SMC3: variants seen among roughly 807,000 people sequenced by gnomAD.
SMC3 encodes structural maintenance of chromosomes protein 3.
In SMC3, 20 loss-of-function variants were observed where a neutral mutation model predicts 171.8. The ratio of observed to expected loss-of-function variants is 0.12; its 90% CI spans 0.08 to 0.17. The LOEUF (loss-of-function observed/expected upper bound fraction) is 0.17. SMC3 is among the 10% of genes least tolerant of loss of function. SMC3 has a pLI of 1.00. For missense variants in SMC3, 543 were observed against 1,420.4 expected (o/e 0.38, Z 9.93); for synonymous variants, 464 against 451.1 (o/e 1.03, Z -0.36).
rs948969417 is a variant in SMC3 at position 110,605,059 on chromosome 10, T to C, written c.*757T>C. Among the ~76,000 whole-genome samples the C allele has an allele frequency of 6.6e-6, 1 of 152,186 alleles. No individual in the cohort carries two copies. The highest frequency in any genetic ancestry group is 6.5e-5 in the Admixed American group (1 of 15,284). ...TTGTAGAATGTCCCTCAAATTAGGT[T>C]TGTCTAATATTTTTCTCATGGTTAG... On this transcript the variant is annotated 3_prime_UTR_variant, in exon 29 of 29. Coordinates refer to ENST00000361804, the MANE Select transcript of SMC3 (RefSeq NM_005445.4).
intron 13 of SMC3, among the ~76,000 whole-genome samples, chr10:110,585,774 G>C: frequency 6.6e-6 from 1 of 151,384 alleles, no homozygotes; most frequent in South Asian, 2.1e-4. Context: ...CTTATTAATT[G>C]TATATTATAT....
At chr10:110,571,627 A>C (rs1381839621) in intron 2 of SMC3, among the ~76,000 whole-genome samples, 1 of 152,184 alleles carries the variant, frequency 6.6e-6, no homozygotes, top group Non-Finnish European at 1.5e-5. Flanking sequence ...AGGTAGCTTG[A>C]ATCTACCAGA....
chr10:110,591,554 C>T (rs1252129831), intron 17 of SMC3, among the ~76,000 whole-genome samples: 5 of 152,100 alleles, frequency 3.3e-5, no homozygotes, highest in South Asian at 2.1e-4. Flanking sequence ...AGTGTCTTGA[C>T]GTACTTAGGA....
At chr10:110,603,833 T>C (rs1590572494) in intron 28 of SMC3, among the ~76,000 whole-genome samples, 1 of 152,164 alleles carries the variant, frequency 6.6e-6, no homozygotes, top group South Asian at 2.1e-4. Flanking sequence ...CAATGGCTCA[T>C]GCCTGTAATC....
chr10:110,605,126 C>T lies in SMC3; in HGVS notation c.*824C>T, dbSNP rs1053465177. 2.6e-5 allele frequency among the ~76,000 whole-genome samples: 4 copies of T among 152,190 alleles called. No individual in the cohort carries two copies. The highest frequency in any genetic ancestry group is 5.9e-5 in the Non-Finnish European group (4 of 68,000). ...CAGAAGCGAAGTATTCTCATTACCT[C>T]ATATAATAGTACATATTATTAACAT... is the stretch of plus-strand genomic sequence containing the variant. On this transcript the variant is annotated 3_prime_UTR_variant, in exon 29 of 29. Transcript: ENST00000361804.
chr10:110,600,549 G>A lies in SMC3; in HGVS notation c.2535+3G>A. On this transcript the variant is annotated splice_donor_region_variant and intron_variant, in intron 22 of 28. Transcript: ENST00000361804. The stretch of plus-strand genomic sequence containing the variant: ...AACGCTTGGACCAAGTAGAACAGGT[G>A]TGTATGTGTTTTTTTTTTTTTTTTT... 1.4e-6 allele frequency: 2 copies of A among 1,414,408 alleles called. No individual in the cohort carries two copies. Among genetic ancestry groups the A allele is most frequent in the Non-Finnish European group, 1.0e-6 (1 of 1,000,046 alleles). The allele number at this position is 1,414,408 out of a possible 1,614,324, so 87.6% of individuals were successfully genotyped here. A position where few individuals can be genotyped will look rare whatever the true frequency, so the allele number is the denominator to read the frequency against.
intron 12 of SMC3, 45 bp from the exon 13 acceptor site, chr10:110,584,138 G>T: frequency 1.3e-6 from 2 of 1,573,354 alleles, no homozygotes; most frequent in South Asian, 2.2e-5. Context: ...AATTAAACTT[G>T]GTTATTATTC....
chr10:110,581,848 C>A, intron 8 of SMC3, 75 bp from the exon 9 acceptor site: 2 of 1,193,210 alleles, frequency 1.7e-6, no homozygotes, highest in Non-Finnish European at 2.5e-6. Context: ...TAATTTAATT[C>A]AAGGTATATT....
chr10:110,598,358 C>A, intron 20 of SMC3, 68 bp downstream of exon 20: 1 of 1,434,884 alleles, frequency 7.0e-7, no homozygotes, highest in African/African-American at 1.4e-5. Flanking sequence ...ATGAATCATA[C>A]ATTATATGGG....
chr10:110,570,101 T>A (rs1860847284), intron 2 of SMC3, among the ~76,000 whole-genome samples: 1 of 152,174 alleles, frequency 6.6e-6, no homozygotes, highest in South Asian at 2.1e-4. Context: ...ATGGTTAGGT[T>A]CTCGTGAGGC....
chr10:110,601,932 T>A (rs757618604), intron 24 of SMC3, 34 bp from the exon 25 acceptor site: 1 of 1,609,276 alleles, frequency 6.2e-7, no homozygotes, highest in Non-Finnish European at 8.5e-7. Context: ...AGTATATAAA[T>A]TTATTTATAT....
intron 7 of SMC3, among the ~76,000 whole-genome samples, chr10:110,580,001 C>A (rs758032425): frequency 2.1e-4 from 32 of 152,044 alleles, no homozygotes; most frequent in Non-Finnish European, 4.0e-4. Context: ...GGTTCCACAT[C>A]TGCAAGTTCA....
At chr10:110,602,795 G>A (rs1219349716) in intron 26 of SMC3, 30 bp from the exon 27 acceptor site, 1 of 1,602,474 alleles carries the variant, frequency 6.2e-7, no homozygotes, top group Non-Finnish European at 8.5e-7. Flanking sequence ...TGCCCTTTAG[G>A]ATATTAACTC....
intron 19 of SMC3, among the ~76,000 whole-genome samples, chr10:110,597,347 G>A (rs1861316757): frequency 6.6e-6 from 1 of 150,826 alleles, no homozygotes; most frequent in East Asian, 1.9e-4. Context: ...TTGTATATGT[G>A]GATTTTCTTA....
At chr10:110,581,893 T>C in intron 8 of SMC3, 30 bp from the exon 9 acceptor site, 2 of 1,580,178 alleles carry the variant, frequency 1.3e-6, no homozygotes, top group Non-Finnish European at 1.7e-6. Context: ...CTTATTCAAT[T>C]CTTCCACCTC....
Position 110,596,314 on chromosome 10 carries a change from C to T in SMC3, c.1964-84C>T, listed in dbSNP as rs537437901. On this transcript the variant is annotated intron_variant, in intron 18 of 28. Transcript: ENST00000361804. Reference sequence around the variant, plus strand: ...TCAATTCTCATTATCTACTTAAAGCCTGTAGGTTAGTTTTTTTGTTATAAG... The same window carrying T: ...TCAATTCTCATTATCTACTTAAAGCTTGTAGGTTAGTTTTTTTGTTATAAG... The T allele has an allele frequency of 1.3e-5, 17 of 1,313,336 alleles. No individual in the cohort carries two copies. In the African/African-American group the frequency reaches 1.9e-4, roughly 15 times the overall value. 81.4% of individuals were successfully genotyped at this position (1,313,336 alleles called of 1,614,324 possible). A position where few individuals can be genotyped will look rare whatever the true frequency, so the allele number is the denominator to read the frequency against.
chr10:110,596,471 A>G lies in SMC3; in HGVS notation c.2037A>G (p.Gln679=). The change falls in exon 19 of 29, where the codon CAA becomes CAG. Residue 679 remains glutamine (Q), a synonymous_variant. Coordinates refer to ENST00000361804, the MANE Select transcript of SMC3 (RefSeq NM_005445.4). ...CAAGGAAGTCTCGACTTGAATTGCA[A>G]AAAGATGTTAGAAAAGCAGAAGAAG... ...YDTRKSRLEL[Q]KDVRKAEEEL... is the part of the protein sequence containing the mutation. 4 of 1,614,120 alleles carry G rather than the reference A, an allele frequency of 2.5e-6. No individual in the cohort carries two copies. The highest frequency in any genetic ancestry group is 3.3e-5 in the Admixed American group (2 of 60,016).
chr10:110,583,705 T>C lies in SMC3; in HGVS notation c.970-136T>C. The C allele has an allele frequency of 2.5e-6, 3 of 1,214,226 alleles. No individual in the cohort carries two copies. In the South Asian group the frequency reaches 4.0e-5, roughly 16 times the overall value. 75.2% of individuals were successfully genotyped at this position (1,214,226 alleles called of 1,614,324 possible). A position where few individuals can be genotyped will look rare whatever the true frequency, so the allele number is the denominator to read the frequency against. ...CAAGTAACAACTTGGTACTGTCCCT[T>C]TGTTTCTTACATTAAAAAAGAGTTT... is the stretch of plus-strand genomic sequence containing the variant. On this transcript the variant is annotated intron_variant, in intron 11 of 28. Coordinates refer to ENST00000361804, the MANE Select transcript of SMC3 (RefSeq NM_005445.4).
chr10:110,603,118 A>T (rs1861412519), intron 27 of SMC3, 66 bp from the exon 28 acceptor site: 2 of 1,522,892 alleles, frequency 1.3e-6, no homozygotes, highest in Non-Finnish European at 1.8e-6. Flanking sequence ...GAGTAAAGAT[A>T]GTTGCTTTTT....
Sources: gnomAD v4.1 joint callset for allele counts (sites outside exome capture counted in the v4.1 genomes callset) on GRCh38, gnomAD v4.1.1 for gene constraint, MANE v1.5 for transcripts, NCBI Gene and HGNC (gene_info 2026-07-23, HGNC 2026-07-21) for gene names.